MRTFA: variants seen among roughly 807,000 people sequenced by gnomAD.
MRTFA encodes the protein myocardin-related transcription factor A.
A neutral mutation model predicts 83.5 loss-of-function variants in MRTFA; 20 were observed. The observed-to-expected ratio is 0.24, with a 90% CI of 0.17 to 0.35. MRTFA has a LOEUF of 0.35. Among genes scored for constraint, MRTFA ranks in the 10% least tolerant of loss-of-function variants. The probability of loss-of-function intolerance (pLI) is 1.00; values close to 1 mark genes in which losing one functional copy is unlikely to be tolerated. For missense variants in MRTFA, 1,200 were observed against 1,224.7 expected (o/e 0.98, Z 0.30); for synonymous variants, 659 against 541.2 (o/e 1.22, Z -3.02).
chr22:40,422,486 G>A (rs139709550), intron 9 of MRTFA, among the ~76,000 whole-genome samples: 8 of 152,370 alleles, frequency 5.3e-5, no homozygotes, highest in African/African-American at 1.7e-4. Context: ...TGCAGGTGCA[G>A]GACAGGCACT....
chr22:40,453,678 T>C (rs2053535421), intron 4 of MRTFA, among the ~76,000 whole-genome samples: 1 of 152,114 alleles, frequency 6.6e-6, no homozygotes, highest in Admixed American at 6.6e-5. Flanking sequence ...AGTGTAACAC[T>C]CCACTTAAAA....
intron 2 of MRTFA, among the ~76,000 whole-genome samples, chr22:40,583,628 C>T (rs745676331): frequency 2.0e-5 from 3 of 152,176 alleles, no homozygotes; most frequent in Non-Finnish European, 2.9e-5. Context: ...AGCTCTGCCT[C>T]CTGTCAGATC....
At chr22:40,441,787 G>A (rs894554147) in intron 4 of MRTFA, among the ~76,000 whole-genome samples, 2 of 151,362 alleles carry the variant, frequency 1.3e-5, no homozygotes, top group African/African-American at 4.9e-5. Context: ...ACTCCATCTC[G>A]GGGGGAAAAA....
intron 3 of MRTFA, among the ~76,000 whole-genome samples, chr22:40,518,426 G>GGA (rs2054797394): frequency 6.9e-6 from 1 of 145,518 alleles, no homozygotes; most frequent in African/African-American, 2.5e-5. Flanking sequence ...GTTGGTGAGG[G>GGA]AAAAAAAAAA....
rs535754537 is a variant in MRTFA, at chr22:40,418,624, G to A, written c.2114C>T (p.Ala705Val). 1.0e-5 allele frequency: 16 copies of A among 1,531,408 alleles called. No individual in the cohort carries two copies. The South Asian group carries it at 1.9e-4, about 19-fold the overall frequency. 94.9% of individuals were successfully genotyped at this position (1,531,408 alleles called of 1,614,324 possible). The change falls in exon 12 of 15, where the codon GCC becomes GTC. Residue 705 changes from alanine to valine, a missense_variant. Around this residue, in one of 2 missense-constraint regions of MRTFA, gnomAD observed 1,107 missense variants for 1,041.8 expected, o/e 1.06. Coordinates refer to ENST00000355630, the MANE Select transcript of MRTFA (RefSeq NM_020831.6). Reference sequence around the variant, plus strand: ...AGCACAAGGGTCTATGTGGTTGGTGGCTGGGGCCGCCAGGCTGGGGTTGAA... The same window carrying A: ...AGCACAAGGGTCTATGTGGTTGGTGACTGGGGCCGCCAGGCTGGGGTTGAA...
At chr22:40,561,753 G>A (rs1265709592) in intron 2 of MRTFA, among the ~76,000 whole-genome samples, 4 of 152,150 alleles carry the variant, frequency 2.6e-5, no homozygotes, top group Non-Finnish European at 5.9e-5. Context: ...ATTAAAGATG[G>A]TTGCAAATTA....
intron 7 of MRTFA, among the ~76,000 whole-genome samples, chr22:40,426,311 T>C (rs557743023): frequency 2.6e-4 from 39 of 152,226 alleles, no homozygotes; most frequent in African/African-American, 8.7e-4. Context: ...CCTCTTCCTC[T>C]GAAGGTGCCC....
At chr22:40,566,756 C>T (rs2055709534) in intron 2 of MRTFA, among the ~76,000 whole-genome samples, 2 of 152,188 alleles carry the variant, frequency 1.3e-5, no homozygotes, top group South Asian at 4.1e-4. Flanking sequence ...TCACTTGAAC[C>T]CGCGAGGCGG....
At chr22:40,581,105 C>T (rs1481980127) in intron 2 of MRTFA, among the ~76,000 whole-genome samples, 1 of 152,140 alleles carries the variant, frequency 6.6e-6, no homozygotes, top group Non-Finnish European at 1.5e-5. Flanking sequence ...AGCCACCATG[C>T]CAAGCCACTT....
At chr22:40,474,807 T>C (rs1181092500) in intron 3 of MRTFA, among the ~76,000 whole-genome samples, 1 of 152,326 alleles carries the variant, frequency 6.6e-6, no homozygotes, top group East Asian at 1.9e-4. Context: ...ATTTGATTGT[T>C]CCCATAATTC....
chr22:40,504,649 A>G (rs2054551363), intron 3 of MRTFA, among the ~76,000 whole-genome samples: 1 of 152,254 alleles, frequency 6.6e-6, no homozygotes, highest in Non-Finnish European at 1.5e-5. Context: ...AATCTAAATG[A>G]CAAGGAAAGA....
chr22:40,435,470 A>C (rs1284528522), intron 5 of MRTFA, 29 bp downstream of exon 5: 1 of 1,611,118 alleles, frequency 6.2e-7, no homozygotes, highest in East Asian at 2.2e-5. Context: ...GCTCTTTGGG[A>C]GTTCTGAGGG....
At chr22:40,599,246 C>T (rs1025537868) in intron 1 of MRTFA, among the ~76,000 whole-genome samples, 14 of 151,818 alleles carry the variant, frequency 9.2e-5, no homozygotes, top group Admixed American at 2.0e-4. Flanking sequence ...TGCAGTGAGC[C>T]GAGATCGGGC....
At chr22:40,462,990 T>G (rs2053742035) in intron 4 of MRTFA, among the ~76,000 whole-genome samples, 1 of 152,212 alleles carries the variant, frequency 6.6e-6, no homozygotes, top group Non-Finnish European at 1.5e-5. Context: ...TACACCTAAT[T>G]TAAACCAGGT....
chr22:40,437,514 C>A (rs2053194235), intron 4 of MRTFA, among the ~76,000 whole-genome samples: 1 of 152,144 alleles, frequency 6.6e-6, no homozygotes, highest in Admixed American at 6.6e-5. Context: ...GCAATCCCAG[C>A]ACTTTGGGAA....
chr22:40,599,926 G>A lies in MRTFA; in HGVS notation c.-83-5191C>T, dbSNP rs1193589529. Among the ~76,000 whole-genome samples the A allele has an allele frequency of 1.3e-4, 19 of 149,196 alleles. No individual in the cohort carries two copies. In the Admixed American group the frequency reaches 1.3e-3, roughly 10 times the overall value. Reference sequence around the variant, plus strand: ...TTTAAAAAAAAAAAAAGAAGTGAAGGGAAAGGAACAAAAATGGAATGAAGA... The same window carrying A: ...TTTAAAAAAAAAAAAAGAAGTGAAGAGAAAGGAACAAAAATGGAATGAAGA... On this transcript the variant is annotated intron_variant, in intron 1 of 14. Coordinates refer to ENST00000355630, the MANE Select transcript of MRTFA (RefSeq NM_020831.6).
chr22:40,424,406 T>C, intron 7 of MRTFA, 25 bp from the exon 8 acceptor site: 2 of 1,609,732 alleles, frequency 1.2e-6, no homozygotes, highest in Non-Finnish European at 1.7e-6. Context: ...TGGTGTGAGA[T>C]TCCACTTCCA....
At chr22:40,440,299 T>C (rs923132528) in intron 4 of MRTFA, among the ~76,000 whole-genome samples, 1 of 152,204 alleles carries the variant, frequency 6.6e-6, no homozygotes, top group Non-Finnish European at 1.5e-5. Context: ...GTGATGAAAC[T>C]GACACTGGCT....
intron 2 of MRTFA, among the ~76,000 whole-genome samples, chr22:40,567,386 G>C (rs577797598): frequency 5.9e-5 from 9 of 152,278 alleles, no homozygotes; most frequent in African/African-American, 2.2e-4. Flanking sequence ...TCTTCTCTAA[G>C]AGACTGAGTG....
Sources: allele counts gnomAD v4.1 joint callset (sites outside exome capture counted in the v4.1 genomes callset), GRCh38; gene constraint gnomAD v4.1.1; regional missense constraint gnomAD v4.1.1; transcripts MANE v1.5; gene names NCBI Gene and HGNC (gene_info 2026-07-23, HGNC 2026-07-21).